ZNG1A: variants seen among roughly 807,000 people sequenced by gnomAD.
ZNG1A encodes Zn regulated GTPase metalloprotein activator 1A.
chr9:167,751 C>T, the ZNG1A span: 4 of 149,420 alleles, frequency 2.7e-5, no homozygotes, highest in African/African-American at 1.0e-4. Flanking sequence ...GAACAGTCAC[C>T]TGTTTCTCAC....
the ZNG1A span, chr9:154,164 G>C: frequency 3.2e-5 from 5 of 154,506 alleles, no homozygotes; most frequent in African/African-American, 7.3e-5. Flanking sequence ...TGGAAGACAA[G>C]GCATGGTTGA....
At chr9:163,934 A>C in the ZNG1A span, 5 of 1,559,504 alleles carry the variant, frequency 3.2e-6, no homozygotes, top group Non-Finnish European at 4.3e-6. Context: ...TCAGAAAAAA[A>C]AAAAAAAACA....
the ZNG1A span, chr9:171,768 C>A: frequency 2.9e-6 from 1 of 349,628 alleles, no homozygotes; most frequent in Non-Finnish European, 5.4e-6. Flanking sequence ...GACAACTGTA[C>A]TTAGAGGTAG....
chr9:137,193 C>T, the ZNG1A span, among the ~76,000 whole-genome samples: 1 of 145,030 alleles, frequency 6.9e-6, no homozygotes, highest in Non-Finnish European at 1.5e-5. Flanking sequence ...AAAACCTCAT[C>T]TTCTACCAAA....
chr9:145,238 C>G, the ZNG1A span, among the ~76,000 whole-genome samples: 90 of 151,846 alleles, frequency 5.9e-4, no homozygotes, highest in Middle Eastern at 0.02. Context: ...GCTATAAAGA[C>G]ACATGCACAC....
chr9:124,145 C>T, the ZNG1A span, among the ~76,000 whole-genome samples: 1 of 151,882 alleles, frequency 6.6e-6, no homozygotes, highest in Non-Finnish European at 1.5e-5. Flanking sequence ...TATTTTTCTT[C>T]TTTATCTTGA....
chr9:143,591 C>T, the ZNG1A span, among the ~76,000 whole-genome samples: 447 of 125,408 alleles, frequency 3.6e-3, 8 homozygotes, highest in Admixed American at 5.9e-3. Flanking sequence ...CAATATCATA[C>T]TGAATGGGCA....
chr9:124,786 T>C, the ZNG1A span, among the ~76,000 whole-genome samples: 47,087 of 119,072 alleles, frequency 0.4, 5,235 homozygotes, highest in East Asian at 0.51. Flanking sequence ...CTCCCACTTA[T>C]GAGTGAGAAC....
the ZNG1A span, among the ~76,000 whole-genome samples, chr9:165,335 C>T: frequency 6.7e-6 from 1 of 150,334 alleles, no homozygotes; most frequent in African/African-American, 2.5e-5. Flanking sequence ...GATTTTTATT[C>T]CAATAAATAG....
At chr9:139,952 G>A in the ZNG1A span, among the ~76,000 whole-genome samples, 6 of 150,716 alleles carry the variant, frequency 4.0e-5, no homozygotes, top group South Asian at 6.4e-4. Context: ...GCGCTTTTCC[G>A]ATGGGCTTAA....
At chr9:140,601 G>GAGCGCCTCTCCTCCTCCAAAGGAACGC in the ZNG1A span, among the ~76,000 whole-genome samples, 1,392 of 150,892 alleles carry the variant, frequency 9.2e-3, 8 homozygotes, top group Non-Finnish European at 0.015. Context: ...CTAAAAAGCA[G>GAGCGCCTCTCCTCCTCCAAAGGAACGC]AGCGCCTCTC....
chr9:140,533 C>A, the ZNG1A span, among the ~76,000 whole-genome samples: 1 of 151,702 alleles, frequency 6.6e-6, no homozygotes, highest in Non-Finnish European at 1.5e-5. Flanking sequence ...CATCAAAGAC[C>A]AAAAGTAGAT....
chr9:168,278 G>C, the ZNG1A span, among the ~76,000 whole-genome samples: 1 of 150,456 alleles, frequency 6.6e-6, no homozygotes, highest in African/African-American at 2.5e-5. Flanking sequence ...TTTTGAGATG[G>C]AGTCTCGCTC....
chr9:138,554 T>A, the ZNG1A span, among the ~76,000 whole-genome samples: 1 of 144,054 alleles, frequency 6.9e-6, no homozygotes, highest in Non-Finnish European at 1.5e-5. Flanking sequence ...AAAAAAAAAC[T>A]AGTTGAAAGT....
At chr9:147,424 T>C in the ZNG1A span, 1 of 105,150 alleles carries the variant, frequency 9.5e-6, no homozygotes, top group Middle Eastern at 4.1e-3. Flanking sequence ...TGACCAACTG[T>C]GCCTGCTTTC....
At chr9:164,924 T>G in the ZNG1A span, among the ~76,000 whole-genome samples, 1 of 152,032 alleles carries the variant, frequency 6.6e-6, no homozygotes, top group East Asian at 1.9e-4. Context: ...TTACAGTGAT[T>G]ACTCATGCAA....
the ZNG1A span, among the ~76,000 whole-genome samples, chr9:142,793 C>A: frequency 7.1e-6 from 1 of 140,960 alleles, no homozygotes; most frequent in African/African-American, 2.8e-5. Flanking sequence ...TGATAGACCG[C>A]TAGCAAGACT....
At chr9:139,725 G>A in the ZNG1A span, among the ~76,000 whole-genome samples, 2,722 of 150,630 alleles carry the variant, frequency 0.018, 75 homozygotes, top group African/African-American at 0.065. Flanking sequence ...GAAGACAGGC[G>A]ATTTCTCCAT....
At chr9:157,448 A>G in the ZNG1A span, among the ~76,000 whole-genome samples, 3 of 130,408 alleles carry the variant, frequency 2.3e-5, no homozygotes, top group South Asian at 2.7e-4. Flanking sequence ...AGAGGCAACT[A>G]GATTATAGTA....
Sources: gnomAD v4.1 joint callset for allele counts (sites outside exome capture counted in the v4.1 genomes callset) on GRCh38, gnomAD v4.1.1 for gene constraint, MANE v1.5 for transcripts, NCBI Gene and HGNC (gene_info 2026-07-23, HGNC 2026-07-21) for gene names.